MBNL1: variants seen among roughly 807,000 people sequenced by gnomAD.
MBNL1 encodes muscleblind-like protein 1.
In MBNL1, 8 loss-of-function variants were observed where a neutral mutation model predicts 42.2. The observed-to-expected ratio is 0.19, with a 90% CI of 0.11 to 0.34. The LOEUF is 0.34. Among genes scored for constraint, MBNL1 ranks in the 10% least tolerant of loss-of-function variants. The pLI is 1.00. For missense variants in MBNL1, 309 were observed against 495.3 expected (o/e 0.62, Z 3.57); for synonymous variants, 169 against 173.9 (o/e 0.97, Z 0.22).
At chr3:152,416,507 A>C (rs1380495326) in intron 3 of MBNL1, among the ~76,000 whole-genome samples, 1 of 152,246 alleles carries the variant, frequency 6.6e-6, no homozygotes, top group African/African-American at 2.4e-5. Flanking sequence ...TGGCTCTCAC[A>C]TACAGTTTCA....
chr3:152,275,221 A>C (rs1362352984), intron 1 of MBNL1, among the ~76,000 whole-genome samples: 2 of 152,196 alleles, frequency 1.3e-5, no homozygotes, highest in Non-Finnish European at 2.9e-5. Context: ...AAAGAGTTGG[A>C]GGACATAGGG....
At chr3:152,265,890 A>C (rs2037152535), upstream of MBNL1, 1 of 152,192 alleles carries the variant, frequency 6.6e-6, no homozygotes, top group Non-Finnish European at 1.5e-5. Context: ...CCTGGCACTG[A>C]GGGAATATCA....
At chr3:152,269,301 G>A in intron 1 of MBNL1, 1 of 351,430 alleles carries the variant, frequency 2.8e-6, no homozygotes, top group Non-Finnish European at 5.6e-6. Flanking sequence ...CCGCTCCTGC[G>A]CCCTTCCCTG....
At chr3:152,248,771 C>T (rs1384862107) in intron 2 of MBNL1, among the ~76,000 whole-genome samples, 6 of 151,786 alleles carry the variant, frequency 4.0e-5, no homozygotes. Context: ...TCCCCCCTTC[C>T]CCCACCCCAC....
intron 2 of MBNL1, among the ~76,000 whole-genome samples, chr3:152,334,000 C>A (rs1357659306): frequency 6.6e-6 from 1 of 152,172 alleles, no homozygotes; most frequent in East Asian, 1.9e-4. Context: ...AATATCTAAT[C>A]CTTAGAGGAG....
chr3:152,349,843 A>G (rs1252923916), intron 2 of MBNL1, among the ~76,000 whole-genome samples: 1 of 152,056 alleles, frequency 6.6e-6, no homozygotes, highest in Non-Finnish European at 1.5e-5. Flanking sequence ...GTTAGCAGAA[A>G]ATTACCTTGA....
At chr3:152,357,444 T>C (rs776588796) in intron 2 of MBNL1, among the ~76,000 whole-genome samples, 153 of 152,294 alleles carry the variant, frequency 1.0e-3, no homozygotes, top group Non-Finnish European at 1.3e-3. Flanking sequence ...ATATAAATCA[T>C]GATAGCAGTT....
chr3:152,295,889 T>G lies in MBNL1; in HGVS notation c.-789-3516T>G, dbSNP rs2058354079. On this transcript the variant is annotated intron_variant, in intron 1 of 9. Transcript: ENST00000324210. ...AGGGGAGATACAAGAGGTACAGCAC[T>G]GAGAGAAGCAACAAGATAAAATGTA... is the stretch of plus-strand genomic sequence containing the variant. Among the ~76,000 whole-genome samples, 6 of 152,244 alleles carry G rather than the reference T, an allele frequency of 3.9e-5. No homozygotes were observed. The South Asian group carries it at 1.2e-3, about 31-fold the overall frequency.
chr3:152,450,822 A>G (rs1236662777), intron 6 of MBNL1, among the ~76,000 whole-genome samples: 2 of 152,218 alleles, frequency 1.3e-5, no homozygotes, highest in Non-Finnish European at 2.9e-5. Flanking sequence ...AGACATTTGT[A>G]TGTTTATATG....
intron 3 of MBNL1, among the ~76,000 whole-genome samples, chr3:152,424,688 A>G (rs2098882622): frequency 3.3e-5 from 5 of 152,222 alleles, no homozygotes; most frequent in Admixed American, 3.3e-4. Context: ...CTACAAGGCT[A>G]CAGTAACCAA....
chr3:152,420,535 T>G (rs965014237), intron 3 of MBNL1, among the ~76,000 whole-genome samples: 9 of 152,076 alleles, frequency 5.9e-5, no homozygotes, highest in Non-Finnish European at 1.0e-4. Flanking sequence ...GCCTAACTGT[T>G]AGAAGGAAAA....
chr3:152,295,982 G>GC (rs1199211899), intron 1 of MBNL1, among the ~76,000 whole-genome samples: 1 of 152,194 alleles, frequency 6.6e-6, no homozygotes, highest in Non-Finnish European at 1.5e-5. Context: ...TCAAGTAAAG[G>GC]CAAGAACAAA....
intron 2 of MBNL1, among the ~76,000 whole-genome samples, chr3:152,372,491 C>A (rs1009281972): frequency 6.6e-6 from 1 of 152,086 alleles, no homozygotes; most frequent in Admixed American, 6.6e-5. Context: ...GTGTGGACAT[C>A]GTTTTTGTTG....
intron 1 of MBNL1, among the ~76,000 whole-genome samples, chr3:152,296,888 A>T (rs1341365717): frequency 6.6e-6 from 1 of 152,142 alleles, no homozygotes; most frequent in Non-Finnish European, 1.5e-5. Flanking sequence ...GGTTACTGAG[A>T]TGAATAATAT....
At chr3:152,456,471 G>A (rs1020016731) in intron 8 of MBNL1, 110 bp downstream of exon 8, 10 of 859,490 alleles carry the variant, frequency 1.2e-5, no homozygotes, top group East Asian at 2.5e-5. Flanking sequence ...TCGTGTGTAC[G>A]TGAGGGCTGT....
At chr3:152,349,200 G>A (rs2094636378) in intron 2 of MBNL1, among the ~76,000 whole-genome samples, 1 of 152,074 alleles carries the variant, frequency 6.6e-6, no homozygotes, top group African/African-American at 2.4e-5. Flanking sequence ...CACTGTACAT[G>A]TTTGAAATAC....
intron 2 of MBNL1, among the ~76,000 whole-genome samples, chr3:152,410,737 C>A (rs1281419047): frequency 2.6e-5 from 4 of 152,140 alleles, no homozygotes; most frequent in Non-Finnish European, 5.9e-5. Context: ...TCAGTGTAAT[C>A]AACAAAAGCA....
chr3:152,381,641 A>G (rs1190549322), intron 2 of MBNL1, among the ~76,000 whole-genome samples: 1 of 151,980 alleles, frequency 6.6e-6, no homozygotes, highest in Non-Finnish European at 1.5e-5. Flanking sequence ...TTCTATATTC[A>G]TATTTCTATG....
At position 152,460,108 on chromosome 3, in the gene MBNL1, A is replaced by G. The variant is rs992464264; in HGVS notation, c.*18+763A>G. Among the ~76,000 whole-genome samples the G allele has an allele frequency of 4.5e-4, 69 of 152,020 alleles. 1 individual carries two copies. The highest frequency in any genetic ancestry group is 1.6e-3 in the African/African-American group (68 of 41,464). ...GTCCTACAAAAAATACAAAAAAATC[A>G]GCTGGGTATGGTAGCACACTCTGTA... On this transcript the variant is annotated intron_variant, in intron 9 of 9. Coordinates refer to ENST00000324210, the MANE Select transcript of MBNL1 (RefSeq NM_021038.5).
Sources: gnomAD v4.1 joint callset for allele counts (sites outside exome capture counted in the v4.1 genomes callset) on GRCh38, gnomAD v4.1.1 for gene constraint, MANE v1.5 for transcripts, NCBI Gene and HGNC (gene_info 2026-07-23, HGNC 2026-07-21) for gene names.